Variants in ZNF536 observed in about 807,000 individuals in gnomAD.
ZNF536 encodes zinc finger protein 536.
In ZNF536, 13 loss-of-function variants were observed where a neutral mutation model predicts 84.5. The ratio of observed to expected loss-of-function variants is 0.15; its 90% CI spans 0.10 to 0.24. The LOEUF (loss-of-function observed/expected upper bound fraction) is 0.24. Ranked by LOEUF, ZNF536 falls within the 10% of genes least tolerant of loss-of-function variation. The probability of loss-of-function intolerance (pLI) is 1.00; values close to 1 mark genes in which losing one functional copy is unlikely to be tolerated. For missense variants in ZNF536, 1,536 were observed against 1,747.5 expected (o/e 0.88, Z 2.16); for synonymous variants, 811 against 742.5 (o/e 1.09, Z -1.50).
At chr19:30,291,822 A>G (rs1389183971) in intron 2 of ZNF536, among the ~76,000 whole-genome samples, 2 of 152,172 alleles carry the variant, frequency 1.3e-5, no homozygotes, top group African/African-American at 4.8e-5. Context: ...CTGTTCTCAT[A>G]TGGCCTATGA....
rs2052287599 is a variant in ZNF536, at chr19:30,445,562, G to C, written c.2000G>C (p.Gly667Ala). The C allele has an allele frequency of 1.2e-6, 2 of 1,613,472 alleles. No individual in the cohort carries two copies. The highest frequency in any genetic ancestry group is 1.7e-6 in the Non-Finnish European group (2 of 1,179,790). Residue 667 changes from glycine to alanine, a missense_variant, in exon 2 of 5, where the codon GGC becomes GCC. Coordinates refer to ENST00000355537, the MANE Select transcript of ZNF536 (RefSeq NM_014717.3). This position sits in a 1 kb window ranked among gnomAD's most constrained non-coding sequence, Gnocchi z 4.5. Reference sequence around the variant, plus strand: ...GGCGAGGAGGATGGGCTGCACGTGGGCCTGGATGAGCGGCGTGGCTCGGGC... The same window carrying C: ...GGCGAGGAGGATGGGCTGCACGTGGCCCTGGATGAGCGGCGTGGCTCGGGC... ...RKGEEDGLHV[G>A]LDERRGSGSD...
chr19:30,693,498 A>G (rs954536201), intron 1 of ZNF536, among the ~76,000 whole-genome samples: 2 of 152,158 alleles, frequency 1.3e-5, no homozygotes, highest in African/African-American at 4.8e-5. Flanking sequence ...GAGGATATGC[A>G]AAGTCTGACA....
At chr19:30,496,365 A>G (rs2054718673) in intron 2 of ZNF536, among the ~76,000 whole-genome samples, 1 of 152,134 alleles carries the variant, frequency 6.6e-6, no homozygotes, top group Non-Finnish European at 1.5e-5. Context: ...ACAAGCAGAC[A>G]TTGTCACTTC....
chr19:30,249,890 C>T (rs1384395383), intron 1 of ZNF536, among the ~76,000 whole-genome samples: 1 of 152,182 alleles, frequency 6.6e-6, no homozygotes, highest in Non-Finnish European at 1.5e-5. Context: ...CCCATTTATG[C>T]CCACTGTTGA....
chr19:30,641,940 T>C (rs958165660), intron 1 of ZNF536, among the ~76,000 whole-genome samples: 3 of 152,120 alleles, frequency 2.0e-5, no homozygotes, highest in Admixed American at 6.5e-5. Flanking sequence ...CCAAGGATAA[T>C]AGTACGAGCC....
intron 3 of ZNF536, among the ~76,000 whole-genome samples, chr19:30,355,967 T>C (rs2048081336): frequency 6.6e-6 from 1 of 152,234 alleles, no homozygotes; most frequent in Non-Finnish European, 1.5e-5. Flanking sequence ...GGCTTAAGCA[T>C]CTACCTGCCT....
intron 2 of ZNF536, among the ~76,000 whole-genome samples, chr19:30,504,602 C>T (rs1226155577): frequency 2.1e-4 from 30 of 140,024 alleles, no homozygotes. Flanking sequence ...CTCTCCAACT[C>T]TTCCTCTCTC....
chr19:30,228,509 C>A (rs532601421), upstream of ZNF536: 1 of 152,244 alleles, frequency 6.6e-6, no homozygotes, highest in African/African-American at 2.4e-5. The surrounding 1 kb of genome is among the most constrained non-coding windows in gnomAD (Gnocchi z 4.5). Context: ...GGGGCTGCTC[C>A]GAGAACTCGT....
intron 1 of ZNF536, among the ~76,000 whole-genome samples, chr19:30,610,239 C>G (rs1055467061): frequency 1.3e-5 from 2 of 152,218 alleles, no homozygotes. Context: ...TTCCTTAGAT[C>G]TAAAACATGG....
chr19:30,681,439 C>T (rs141048262), intron 1 of ZNF536, among the ~76,000 whole-genome samples: 87 of 152,072 alleles, frequency 5.7e-4, no homozygotes, highest in African/African-American at 1.9e-3. Context: ...TGTGAGCTGG[C>T]GGGGAGTGGG....
intron 2 of ZNF536, among the ~76,000 whole-genome samples, chr19:30,322,465 G>T (rs1032970770): frequency 1.3e-5 from 2 of 152,134 alleles, no homozygotes; most frequent in Non-Finnish European, 2.9e-5. Context: ...TGTTTCTGCG[G>T]GACTTGGTCC....
chr19:30,441,627 G>A (rs1034327753), intron 1 of ZNF536, among the ~76,000 whole-genome samples: 5 of 152,124 alleles, frequency 3.3e-5, no homozygotes, highest in African/African-American at 1.2e-4. Context: ...CTCCAAAATG[G>A]GCCCGCGTAT....
At chr19:30,553,281 G>T (rs576222189) in intron 4 of ZNF536, among the ~76,000 whole-genome samples, 1 of 152,336 alleles carries the variant, frequency 6.6e-6, no homozygotes, top group Admixed American at 6.5e-5. Flanking sequence ...ATGCACTGTT[G>T]GGTCGGCACT....
intron 1 of ZNF536, among the ~76,000 whole-genome samples, chr19:30,407,372 ATAG>A (rs1327206932): frequency 6.6e-6 from 1 of 152,190 alleles, no homozygotes; most frequent in Non-Finnish European, 1.5e-5. Flanking sequence ...AGTCATCAAC[ATAG>A]AAGAAGACTT....
At position 30,383,746 on chromosome 19, in the gene ZNF536, T is replaced by A. The variant is rs1447523295; in HGVS notation, c.-3+11190T>A. ...TTCTTTCTTTCTTTCTTTCTTTCTC[T>A]TTCTTTCTTTCTCTTTCTTTCTTTC... On this transcript the variant is annotated intron_variant, in intron 1 of 4. Transcript: ENST00000355537. 3.1e-4 allele frequency among the ~76,000 whole-genome samples: 2 copies of A among 6,350 alleles called. 1 individual carries two copies. Among genetic ancestry groups the A allele is most frequent in the African/African-American group, 1.0e-3 (2 of 1,996 alleles). The allele number at this position is 6,350 out of a possible 152,430, so 4.2% of individuals were successfully genotyped here.
intron 2 of ZNF536, among the ~76,000 whole-genome samples, chr19:30,287,758 A>G (rs537354726): frequency 1.4e-5 from 2 of 141,770 alleles, no homozygotes; most frequent in African/African-American, 5.3e-5. Context: ...GGATGGATGG[A>G]TGGATTGATG....
At chr19:30,493,953 A>G (rs984091784) in intron 2 of ZNF536, among the ~76,000 whole-genome samples, 2 of 152,210 alleles carry the variant, frequency 1.3e-5, no homozygotes, top group Non-Finnish European at 2.9e-5. Context: ...CTGCACAGAT[A>G]CAAGGCAGCA....
chr19:30,550,252 A>T (rs907155001), intron 4 of ZNF536, among the ~76,000 whole-genome samples: 1 of 152,230 alleles, frequency 6.6e-6, no homozygotes, highest in African/African-American at 2.4e-5. Flanking sequence ...TAGCAAACTG[A>T]CACTTCTTTA....
intron 1 of ZNF536, among the ~76,000 whole-genome samples, chr19:30,629,525 G>C (rs1387442472): frequency 1.3e-5 from 2 of 152,212 alleles, no homozygotes; most frequent in Non-Finnish European, 2.9e-5. Flanking sequence ...TCTTGCAACG[G>C]TGCAACGAAG....
Sources: allele counts gnomAD v4.1 joint callset (sites outside exome capture counted in the v4.1 genomes callset), GRCh38; gene constraint gnomAD v4.1.1; non-coding constraint Gnocchi (gnomAD v3.1); transcripts MANE v1.5; gene names NCBI Gene and HGNC (gene_info 2026-07-23, HGNC 2026-07-21).